Variants in MAGI2 observed in about 807,000 individuals in gnomAD.
MAGI2 encodes the protein membrane associated guanylate kinase, WW and PDZ domain containing 2.
Under a neutral mutation model 133.3 loss-of-function variants are expected in MAGI2, and 35 were observed. The observed-to-expected ratio is 0.26, with a 90% CI of 0.20 to 0.35. The LOEUF (loss-of-function observed/expected upper bound fraction) is 0.35. Among genes scored for constraint, MAGI2 ranks in the 10% least tolerant of loss-of-function variants. MAGI2 has a pLI of 1.00. For missense variants in MAGI2, 1,636 were observed against 1,863.4 expected (o/e 0.88, Z 2.25); for synonymous variants, 729 against 710.6 (o/e 1.03, Z -0.41).
chr7:79,193,221 T>C (rs1827819182), intron 1 of MAGI2, among the ~76,000 whole-genome samples: 1 of 151,956 alleles, frequency 6.6e-6, no homozygotes, highest in African/African-American at 2.4e-5. Flanking sequence ...AGGAACCTTA[T>C]CATAGCCTTC....
chr7:78,188,124 A>G (rs909502391), intron 12 of MAGI2, among the ~76,000 whole-genome samples: 1 of 152,104 alleles, frequency 6.6e-6, no homozygotes, highest in African/African-American at 2.4e-5. Flanking sequence ...CACAACTTTT[A>G]TTTTGCTATC....
chr7:79,318,054 T>C (rs1318761566), intron 1 of MAGI2, among the ~76,000 whole-genome samples: 2 of 152,126 alleles, frequency 1.3e-5, no homozygotes, highest in African/African-American at 4.8e-5. Flanking sequence ...CTTAGACTCC[T>C]CCCCTCTTAC....
intron 6 of MAGI2, among the ~76,000 whole-genome samples, chr7:78,481,992 T>G (rs78741830): frequency 0.073 from 11,121 of 151,870 alleles, 1,040 homozygotes; most frequent in African/African-American, 0.22. Flanking sequence ...TTGGAGAAAA[T>G]GTTCGTAAGC....
chr7:78,549,806 C>A (rs12705578), intron 3 of MAGI2, among the ~76,000 whole-genome samples: 1 of 152,044 alleles, frequency 6.6e-6, no homozygotes, highest in African/African-American at 2.4e-5. Flanking sequence ...ACATTAAATC[C>A]TTTAATAAGG....
intron 6 of MAGI2, among the ~76,000 whole-genome samples, chr7:78,406,028 TGTTTA>T (rs1230174951): frequency 2.0e-5 from 3 of 152,016 alleles, no homozygotes; most frequent in Non-Finnish European, 4.4e-5. Flanking sequence ...AAAAAGTGCC[TGTTTA>T]GTTATTAGCT....
At chr7:79,158,306 C>T in intron 1 of MAGI2, among the ~76,000 whole-genome samples, 1 of 151,948 alleles carries the variant, frequency 6.6e-6, no homozygotes, top group South Asian at 2.1e-4. Context: ...ACTAAAAATA[C>T]ATAAAAGAGC....
intron 6 of MAGI2, among the ~76,000 whole-genome samples, chr7:78,468,118 T>C (rs1043871577): frequency 1.3e-5 from 2 of 152,310 alleles, no homozygotes; most frequent in Middle Eastern, 3.4e-3. Context: ...AGTGCAACTT[T>C]GGGCTAGTTT....
At chr7:78,980,614 T>C (rs2215546) in intron 2 of MAGI2, among the ~76,000 whole-genome samples, 115,488 of 151,744 alleles carry the variant, frequency 0.76, 44,304 homozygotes, top group African/African-American at 0.85. Context: ...TTTAAACATC[T>C]CAAAGTTAGC....
intron 9 of MAGI2, among the ~76,000 whole-genome samples, chr7:78,315,418 C>A (rs998770426): frequency 1.3e-5 from 2 of 152,084 alleles, no homozygotes; most frequent in Admixed American, 6.5e-5. Context: ...CCTTTTATTT[C>A]TTATAAGTGC....
chr7:78,076,852 C>CACA (rs1491547468), intron 21 of MAGI2, among the ~76,000 whole-genome samples: 879 of 42,598 alleles, frequency 0.021, 15 homozygotes, highest in South Asian at 0.032. Flanking sequence ...GACTCCGTCT[C>CACA]AAAAAAAAAA....
intron 2 of MAGI2, among the ~76,000 whole-genome samples, chr7:78,875,020 T>C (rs1584243015): frequency 6.6e-6 from 1 of 151,884 alleles, no homozygotes; most frequent in African/African-American, 2.4e-5. Flanking sequence ...GAGTAGAGAG[T>C]CTAAGTATGA....
chr7:79,347,499 G>T (rs1841408184), intron 1 of MAGI2, among the ~76,000 whole-genome samples: 1 of 151,656 alleles, frequency 6.6e-6, no homozygotes, highest in South Asian at 2.1e-4. Context: ...GACATTGAGA[G>T]ATCAGTTTTG....
intron 2 of MAGI2, among the ~76,000 whole-genome samples, chr7:78,832,444 T>C (rs1791257898): frequency 6.6e-6 from 1 of 152,182 alleles, no homozygotes; most frequent in Non-Finnish European, 1.5e-5. Flanking sequence ...ATGAAAATAA[T>C]TCAGTACATA....
intron 1 of MAGI2, among the ~76,000 whole-genome samples, chr7:79,451,799 A>G (rs73147497): frequency 0.07 from 10,719 of 152,252 alleles, 489 homozygotes; most frequent in Non-Finnish European, 0.095. Context: ...ATCGACGACA[A>G]CAACAAACCC....
At chr7:78,594,747 C>T (rs1259792157) in intron 3 of MAGI2, among the ~76,000 whole-genome samples, 5 of 152,238 alleles carry the variant, frequency 3.3e-5, no homozygotes, top group South Asian at 4.1e-4. Flanking sequence ...TGAGCCACTA[C>T]GTCCGGCCAG....
At chr7:78,586,939 T>C (rs1437661040) in intron 3 of MAGI2, among the ~76,000 whole-genome samples, 1 of 152,358 alleles carries the variant, frequency 6.6e-6, no homozygotes, top group African/African-American at 2.4e-5. Flanking sequence ...AATATTCCAT[T>C]GTATGTATAT....
chr7:78,557,080 C>CAAAAAAAAAA lies in MAGI2; in HGVS notation c.539-35445_539-35436dup, dbSNP rs796371005. ...TACTCCAGCCTGGGTGGCAGAGTCT[C>CAAAAAAAAAA]AAAAAAAAAAAAAAAAAAAAGAAAA... On this transcript the variant is annotated intron_variant, in intron 3 of 21. Transcript: ENST00000354212. Among the ~76,000 whole-genome samples the CAAAAAAAAAA allele has an allele frequency of 4.1e-3, 166 of 40,874 alleles. 6 individuals are homozygous for CAAAAAAAAAA. The highest frequency in any genetic ancestry group is 0.015 in the Middle Eastern group (1 of 66). 26.8% of individuals were successfully genotyped at this position (40,874 alleles called of 152,430 possible).
chr7:78,664,753 C>T (rs1585015692), intron 2 of MAGI2, among the ~76,000 whole-genome samples: 1 of 151,240 alleles, frequency 6.6e-6, no homozygotes, highest in African/African-American at 2.4e-5. Flanking sequence ...TTAATACGTG[C>T]CTAAGTAAAA....
intron 2 of MAGI2, among the ~76,000 whole-genome samples, chr7:78,942,892 G>GA (rs5885102): frequency 9.7e-4 from 133 of 137,500 alleles, no homozygotes; most frequent in Non-Finnish European, 1.1e-3. Context: ...CGTAGTAAGT[G>GA]AAAAAAAAAA....
Sources: gnomAD v4.1 joint callset for allele counts (sites outside exome capture counted in the v4.1 genomes callset) on GRCh38, gnomAD v4.1.1 for gene constraint, MANE v1.5 for transcripts, NCBI Gene and HGNC (gene_info 2026-07-23, HGNC 2026-07-21) for gene names.